The following TP63 variants were observed in gnomAD, a reference collection of about 807,000 sequenced individuals.
The protein encoded by TP63 is tumor protein p63.
A neutral mutation model predicts 82.8 loss-of-function variants in TP63; 17 were observed. The observed-to-expected ratio is 0.21, with a 90% CI of 0.14 to 0.31. The LOEUF is 0.31. Among genes scored for constraint, TP63 ranks in the 10% least tolerant of loss-of-function variants. The pLI is 1.00. For synonymous variants in TP63, 330 were observed against 321.7 expected (o/e 1.03, Z -0.28); for missense variants, 648 against 895.3 (o/e 0.72, Z 3.52).
At chr3:189,631,014 A>G (rs1306270176), upstream of TP63, among the ~76,000 whole-genome samples, 1 of 152,180 alleles carries the variant, frequency 6.6e-6, no homozygotes, top group African/African-American at 2.4e-5. Flanking sequence ...AAATCCTCAA[A>G]TCAAACCAGT....
rs1052235871 is a variant in TP63, at chr3:189,649,916, T to C, written c.62+18339T>C. Among the ~76,000 whole-genome samples, 10 of 146,656 alleles carry C rather than the reference T, an allele frequency of 6.8e-5. 2 individuals are homozygous for C. Among genetic ancestry groups the C allele is most frequent in the African/African-American group, 2.0e-4 (8 of 39,206 alleles). Reference sequence around the variant, plus strand: ...TAATGATTAACTTTTTTTCAAAGGATTTTATTGTCTCATATTTTAAAGAAT... The same window carrying C: ...TAATGATTAACTTTTTTTCAAAGGACTTTATTGTCTCATATTTTAAAGAAT... On this transcript the variant is annotated intron_variant, in intron 1 of 13. Coordinates refer to ENST00000264731, the MANE Select transcript of TP63 (RefSeq NM_003722.5).
At chr3:189,880,823 A>G in intron 10 of TP63, 1 of 985,342 alleles carries the variant, frequency 1.0e-6, no homozygotes, top group Middle Eastern at 5.2e-4. Flanking sequence ...TCCTCCCCTC[A>G]TGTGTAGGTA....
intron 3 of TP63, among the ~76,000 whole-genome samples, chr3:189,754,359 T>G (rs962778855): frequency 6.6e-6 from 1 of 152,196 alleles, no homozygotes. Context: ...TTGAACAAAT[T>G]ATATTTTCTA....
chr3:189,739,412 G>A (rs1720819815), intron 3 of TP63, among the ~76,000 whole-genome samples: 1 of 152,130 alleles, frequency 6.6e-6, no homozygotes, highest in Non-Finnish European at 1.5e-5. Flanking sequence ...CACTGTGGCT[G>A]GCAAAGAATC....
intron 1 of TP63, among the ~76,000 whole-genome samples, chr3:189,643,154 G>A (rs1357844980): frequency 1.3e-5 from 2 of 151,960 alleles, no homozygotes; most frequent in Middle Eastern, 3.4e-3. Flanking sequence ...GGCACATGCC[G>A]CTATGCCCAG....
upstream of TP63, chr3:189,631,257 T>C (rs765674993): frequency 4.8e-5 from 47 of 985,162 alleles, no homozygotes; most frequent in Non-Finnish European, 5.7e-5. Context: ...AGAACAACAG[T>C]AGAGAGGATG....
chr3:189,882,419 A>C (rs959620069), intron 10 of TP63, among the ~76,000 whole-genome samples: 1 of 151,910 alleles, frequency 6.6e-6, no homozygotes, highest in Non-Finnish European at 1.5e-5. Context: ...TACTGGGTAA[A>C]ATTGAGAGAA....
intron 4 of TP63, among the ~76,000 whole-genome samples, chr3:189,839,040 T>TAAAAAAAAAAAAAAAAAA (rs5855274): frequency 1.1e-5 from 1 of 88,606 alleles, no homozygotes; most frequent in African/African-American, 4.8e-5. Flanking sequence ...TATCCTAAGC[T>TAAAAAAAAAAAAAAAAAA]AAAAAAAAAA....
chr3:189,756,307 G>A (rs1012413988), intron 3 of TP63, among the ~76,000 whole-genome samples: 4 of 152,142 alleles, frequency 2.6e-5, no homozygotes, highest in African/African-American at 9.7e-5. Context: ...AAGTGGATTT[G>A]TAGCTACCTA....
At chr3:189,696,521 T>C (rs1717391036) in intron 1 of TP63, among the ~76,000 whole-genome samples, 1 of 152,168 alleles carries the variant, frequency 6.6e-6, no homozygotes, top group South Asian at 2.1e-4. Flanking sequence ...AATGTGTGTT[T>C]TTGCGTAGAT....
At chr3:189,840,313 TG>T (rs1254985748) in intron 4 of TP63, among the ~76,000 whole-genome samples, 1 of 151,358 alleles carries the variant, frequency 6.6e-6, no homozygotes, top group Non-Finnish European at 1.5e-5. Flanking sequence ...GATGTACAGT[TG>T]TTTTAGGAGT....
In TP63 at chr3:189,894,345, G is replaced by A. The variant is rs1721309458; in HGVS notation, c.1886G>A (p.Gly629Asp). Residue 629 changes from glycine (G) to aspartate (D), a missense_variant, in exon 14 of 14, where the codon GGC (glycine) becomes GAC (aspartate). Gly to Asp is a moderately conservative substitution (Grantham distance 94). Around this residue, in one of 5 missense-constraint regions of TP63, gnomAD observed 342 missense variants for 425.7 expected, o/e 0.80. Coordinates refer to ENST00000264731, the MANE Select transcript of TP63 (RefSeq NM_003722.5). Reference sequence around the variant, plus strand: ...AGCAGTGCCTCTACAGTCAGTGTGGGCTCCAGTGAGACCCGGGGTGAGCGT... The same window carrying A: ...AGCAGTGCCTCTACAGTCAGTGTGGACTCCAGTGAGACCCGGGGTGAGCGT... The part of the protein sequence containing the change: ...TPSSASTVSV[G>D]SSETRGERVI... The A allele has an allele frequency of 6.2e-7, 1 of 1,613,948 alleles. No individual in the cohort carries two copies. Among genetic ancestry groups the A allele is most frequent in the South Asian group, 1.1e-5 (1 of 91,068 alleles).
intron 1 of TP63, among the ~76,000 whole-genome samples, chr3:189,711,233 T>C (rs1718571473): frequency 6.6e-6 from 1 of 152,174 alleles, no homozygotes; most frequent in East Asian, 1.9e-4. Flanking sequence ...GAAACCAGCC[T>C]TGTGGAATTT....
intron 1 of TP63, among the ~76,000 whole-genome samples, chr3:189,677,927 T>G (rs770707713): frequency 6.6e-6 from 1 of 151,994 alleles, no homozygotes; most frequent in Non-Finnish European, 1.5e-5. Flanking sequence ...ACTTTGCCCG[T>G]TTTTTCAATT....
At chr3:189,672,006 T>C (rs1714932291) in intron 1 of TP63, among the ~76,000 whole-genome samples, 1 of 152,122 alleles carries the variant, frequency 6.6e-6, no homozygotes, top group African/African-American at 2.4e-5. Flanking sequence ...CTAATGATAA[T>C]GTAGTGTATA....
At chr3:189,869,624 C>T (rs1423631096) in intron 9 of TP63, among the ~76,000 whole-genome samples, 4 of 151,860 alleles carry the variant, frequency 2.6e-5, no homozygotes, top group Admixed American at 6.6e-5. Context: ...CCCCTATGGT[C>T]GGGTTCTGGT....
At chr3:189,726,259 C>G (rs1346686731) in intron 1 of TP63, among the ~76,000 whole-genome samples, 2 of 152,082 alleles carry the variant, frequency 1.3e-5, no homozygotes, top group Admixed American at 1.3e-4. Flanking sequence ...GGCTCAACAC[C>G]TTGGTCTGCT....
intron 1 of TP63, among the ~76,000 whole-genome samples, chr3:189,719,049 G>C (rs1249144245): frequency 6.6e-6 from 1 of 152,122 alleles, no homozygotes; most frequent in Middle Eastern, 3.4e-3. Flanking sequence ...CAAATTTCTC[G>C]GTTGCCGTAA....
intron 4 of TP63, among the ~76,000 whole-genome samples, chr3:189,860,677 G>A (rs566455583): frequency 6.6e-6 from 1 of 152,268 alleles, no homozygotes; most frequent in East Asian, 1.9e-4. Context: ...CAAATATGAA[G>A]CCCTCACCAC....
Sources: allele counts gnomAD v4.1 joint callset (sites outside exome capture counted in the v4.1 genomes callset), GRCh38; gene constraint gnomAD v4.1.1; regional missense constraint gnomAD v4.1.1; transcripts MANE v1.5; gene names NCBI Gene and HGNC (gene_info 2026-07-23, HGNC 2026-07-21).